The following NLGN4X variants were observed in gnomAD, a reference collection of about 807,000 sequenced individuals.
The protein encoded by NLGN4X is neuroligin 4 X-linked.
NLGN4X carries 3 observed loss-of-function variants against 40.3 expected under a neutral mutation model. The observed-to-expected ratio is 0.07, with a 90% CI of 0.03 to 0.19. The LOEUF (loss-of-function observed/expected upper bound fraction) is 0.19. Among genes scored for constraint, NLGN4X ranks in the 10% least tolerant of loss-of-function variants. The probability of loss-of-function intolerance (pLI) is 1.00; values close to 1 mark genes in which losing one functional copy is unlikely to be tolerated. For missense variants in NLGN4X, 382 were observed against 708.3 expected (o/e 0.54, Z 5.23); for synonymous variants, 270 against 306.8 (o/e 0.88, Z 1.25).
intron 3 of NLGN4X, among the ~76,000 whole-genome samples, chrX:5,968,207 G>A (rs972598041): frequency 1.8e-5 from 2 of 108,250 alleles, no homozygotes; most frequent in East Asian, 5.8e-4. Context: ...CTCCCTTTTC[G>A]ATGGTTCGTT....
At chrX:6,049,249 G>GGGGAA (rs2037412574) in intron 2 of NLGN4X, among the ~76,000 whole-genome samples, 2 of 20,647 alleles carry the variant, frequency 9.7e-5, no homozygotes, top group African/African-American at 2.7e-4. Flanking sequence ...GGGGAGGGGA[G>GGGGAA]GGGAGGGGAG....
intron 3 of NLGN4X, among the ~76,000 whole-genome samples, chrX:6,003,078 C>T (rs1015812694): frequency 9.9e-5 from 11 of 111,518 alleles, no homozygotes; most frequent in African/African-American, 2.9e-4. Flanking sequence ...CAGTCTGTTG[C>T]GGGATCAGGA....
At chrX:6,073,030 C>G (rs1417793086) in intron 2 of NLGN4X, among the ~76,000 whole-genome samples, 1 of 112,376 alleles carries the variant, frequency 8.9e-6, no homozygotes, top group Non-Finnish European at 1.9e-5. Context: ...ATGCCTCAAT[C>G]CTGTTCTGAC....
At chrX:6,217,324 C>G (rs1016429538) in intron 1 of NLGN4X, among the ~76,000 whole-genome samples, 1 of 111,514 alleles carries the variant, frequency 9.0e-6, no homozygotes, top group Non-Finnish European at 1.9e-5. Context: ...GATTAAATGC[C>G]TAAATACATT....
chrX:6,122,920 T>C (rs1321349349), intron 2 of NLGN4X, among the ~76,000 whole-genome samples: 1 of 108,469 alleles, frequency 9.2e-6, no homozygotes, highest in Non-Finnish European at 1.9e-5. Flanking sequence ...AGATACATTT[T>C]CCCAAAATGG....
chrX:5,948,742 G>A (rs2034213826), intron 3 of NLGN4X, among the ~76,000 whole-genome samples: 1 of 112,030 alleles, frequency 8.9e-6, no homozygotes, highest in Admixed American at 9.5e-5. Context: ...AGCTAATGTT[G>A]TGTAACAAAC....
At chrX:6,197,821 C>T (rs917422445) in intron 1 of NLGN4X, among the ~76,000 whole-genome samples, 1 of 110,114 alleles carries the variant, frequency 9.1e-6, no homozygotes, top group African/African-American at 3.3e-5. Context: ...CCCAGCACTT[C>T]GGGAGGCTGA....
At position 5,909,007 on chromosome X, in the gene NLGN4X, C is replaced by T. The variant is rs201434298; in HGVS notation, c.811+47G>A. 1.6e-5 allele frequency: 19 copies of T among 1,184,347 alleles called. No individual in the cohort carries two copies. In the East Asian group the frequency reaches 5.1e-4, roughly 32 times the overall value. The stretch of plus-strand genomic sequence containing the variant: ...AGATATGAACTCTGACCATTCATTT[C>T]TTGGTTCAGGGTATTTGCCCGCCCA... On this transcript the variant is annotated intron_variant, in intron 4 of 5. Coordinates refer to ENST00000381095, the MANE Select transcript of NLGN4X (RefSeq NM_181332.3).
intron 2 of NLGN4X, among the ~76,000 whole-genome samples, chrX:6,112,396 A>C: frequency 9.0e-6 from 1 of 111,460 alleles, no homozygotes; most frequent in Non-Finnish European, 1.9e-5. Flanking sequence ...ACATCACATT[A>C]GATTACAACC....
chrX:5,999,896 T>C (rs962048279), intron 3 of NLGN4X, among the ~76,000 whole-genome samples: 3 of 112,225 alleles, frequency 2.7e-5, no homozygotes, highest in Non-Finnish European at 3.8e-5. Flanking sequence ...GAAAATGTCA[T>C]TACTCCGCAA....
chrX:6,102,796 T>C (rs888661733), intron 2 of NLGN4X, among the ~76,000 whole-genome samples: 1 of 110,909 alleles, frequency 9.0e-6, no homozygotes, highest in Non-Finnish European at 1.9e-5. Flanking sequence ...ATGATAGATA[T>C]AAATTAGATA....
chrX:5,948,958 T>C (rs983945012), intron 3 of NLGN4X, among the ~76,000 whole-genome samples: 1 of 111,609 alleles, frequency 9.0e-6, no homozygotes, highest in African/African-American at 3.3e-5. Flanking sequence ...GGAGTGAAGC[T>C]AAAGCTACTG....
At chrX:6,205,636 C>T (rs5961955) in intron 1 of NLGN4X, among the ~76,000 whole-genome samples, 14,166 of 111,621 alleles carry the variant, frequency 0.13, 894 homozygotes, top group African/African-American at 0.24. Context: ...AGAAACCCAA[C>T]GTTGCAGTTC....
chrX:5,955,749 G>A (rs1304849748), intron 3 of NLGN4X, among the ~76,000 whole-genome samples: 20 of 99,554 alleles, frequency 2.0e-4, no homozygotes, highest in Non-Finnish European at 1.2e-4. Flanking sequence ...ATAAAAACCA[G>A]TATTAAAAAT....
intron 3 of NLGN4X, among the ~76,000 whole-genome samples, chrX:5,969,484 ACAC>A (rs988876304): frequency 8.9e-6 from 1 of 111,854 alleles, no homozygotes; most frequent in African/African-American, 3.2e-5. Flanking sequence ...ATACCATGTC[ACAC>A]CAGTTAGAAT....
At chrX:6,177,204 G>A (rs1413193342) in intron 1 of NLGN4X, among the ~76,000 whole-genome samples, 3 of 111,929 alleles carry the variant, frequency 2.7e-5, no homozygotes, top group Non-Finnish European at 5.6e-5. Context: ...TGTTGCCCAG[G>A]CTAGAATGCA....
At chrX:6,046,378 C>A (rs1365286742) in intron 2 of NLGN4X, among the ~76,000 whole-genome samples, 1 of 111,328 alleles carries the variant, frequency 9.0e-6, no homozygotes, top group African/African-American at 3.3e-5. Context: ...ACAAAGGAAG[C>A]TTTTTCCCAT....
intron 2 of NLGN4X, among the ~76,000 whole-genome samples, chrX:6,064,310 G>A (rs1177943187): frequency 9.0e-6 from 1 of 111,605 alleles, no homozygotes; most frequent in Non-Finnish European, 1.9e-5. Context: ...AGGCTGTGTG[G>A]ATGTGGATAA....
intron 2 of NLGN4X, among the ~76,000 whole-genome samples, chrX:6,107,876 A>G (rs770799806): frequency 9.8e-5 from 11 of 112,375 alleles, no homozygotes; most frequent in Non-Finnish European, 1.9e-4. Context: ...TGCAAAGGAC[A>G]TGATTCCATT....
Sources: gnomAD v4.1 joint callset for allele counts (sites outside exome capture counted in the v4.1 genomes callset) on GRCh38, gnomAD v4.1.1 for gene constraint, MANE v1.5 for transcripts, NCBI Gene and HGNC (gene_info 2026-07-23, HGNC 2026-07-21) for gene names.